The following CDH18 variants were observed in gnomAD, a reference collection of about 807,000 sequenced individuals.
CDH18 encodes cadherin 18.
A neutral mutation model predicts 67.9 loss-of-function variants in CDH18; 31 were observed. That is an observed-to-expected ratio of 0.46 (90% CI 0.34 to 0.62). The LOEUF (loss-of-function observed/expected upper bound fraction) is 0.62, where lower values mean the gene tolerates loss of function less well. Ranked by LOEUF, CDH18 falls within the 20% of genes least tolerant of loss-of-function variation. The pLI, the probability that CDH18 is intolerant of heterozygous loss-of-function variation, is 0.01. For synonymous variants in CDH18, 362 were observed against 347.2 expected (o/e 1.04, Z -0.48); for missense variants, 890 against 975.5 (o/e 0.91, Z 1.17).
intron 5 of CDH18, among the ~76,000 whole-genome samples, chr5:19,694,953 G>A (rs1028488095): frequency 1.3e-5 from 2 of 151,894 alleles, no homozygotes; most frequent in Non-Finnish European, 2.9e-5. Flanking sequence ...GATGAAAGCA[G>A]ACGTTTCCAT....
intron 2 of CDH18, among the ~76,000 whole-genome samples, chr5:20,038,046 C>T (rs558961629): frequency 1.3e-5 from 2 of 152,198 alleles, no homozygotes; most frequent in Admixed American, 1.3e-4. Context: ...GAAAAACAAA[C>T]TACCATCAGA....
intron 1 of CDH18, among the ~76,000 whole-genome samples, chr5:20,263,091 T>TA (rs144268374): frequency 0.04 from 6,073 of 150,180 alleles, 273 homozygotes; most frequent in African/African-American, 0.11. Context: ...TTCTCCTTGA[T>TA]AAAAAAAAAT....
chr5:20,012,321 C>G (rs1737510905), intron 2 of CDH18, among the ~76,000 whole-genome samples: 1 of 122,058 alleles, frequency 8.2e-6, no homozygotes, highest in Admixed American at 1.0e-4. Context: ...AATCTTCTCT[C>G]TTTTTTCTTT....
At chr5:19,811,609 AC>A (rs1228726470) in intron 3 of CDH18, among the ~76,000 whole-genome samples, 3 of 152,120 alleles carry the variant, frequency 2.0e-5, no homozygotes, top group African/African-American at 7.2e-5. Context: ...AAATACACAG[AC>A]CAAAAAATAT....
chr5:20,532,387 CT>C (rs1029418451), intron 1 of CDH18, among the ~76,000 whole-genome samples: 1 of 152,070 alleles, frequency 6.6e-6, no homozygotes, highest in Non-Finnish European at 1.5e-5. Context: ...CTGAGAGTCT[CT>C]TTTTTTCTCC....
At chr5:20,026,363 T>C (rs1280082445) in intron 2 of CDH18, among the ~76,000 whole-genome samples, 3 of 152,292 alleles carry the variant, frequency 2.0e-5, no homozygotes, top group Admixed American at 1.3e-4. Context: ...ATAGATAATA[T>C]ATTTCTCACG....
intron 3 of CDH18, among the ~76,000 whole-genome samples, chr5:19,820,944 A>G (rs1374010546): frequency 2.0e-5 from 3 of 152,174 alleles, no homozygotes; most frequent in African/African-American, 4.8e-5. Flanking sequence ...AAATAAAACC[A>G]AAAAGCTTCA....
intron 1 of CDH18, among the ~76,000 whole-genome samples, chr5:20,259,919 C>T (rs1164146163): frequency 6.6e-6 from 1 of 151,908 alleles, no homozygotes; most frequent in Non-Finnish European, 1.5e-5. Flanking sequence ...ATTGGCCTTT[C>T]CAAGTGGCAA....
intron 5 of CDH18, among the ~76,000 whole-genome samples, chr5:19,700,621 G>A (rs891369997): frequency 1.3e-5 from 2 of 152,132 alleles, no homozygotes; most frequent in Admixed American, 1.3e-4. Context: ...TCTTGCTTAG[G>A]ATGACTGCTT....
chr5:19,603,552 A>T (rs1259599913), intron 6 of CDH18, among the ~76,000 whole-genome samples: 1 of 152,036 alleles, frequency 6.6e-6, no homozygotes, highest in East Asian at 1.9e-4. Flanking sequence ...AAATAAAATC[A>T]AAATGAGAAC....
intron 8 of CDH18, among the ~76,000 whole-genome samples, chr5:19,564,283 C>A (rs1739978749): frequency 6.6e-6 from 1 of 152,224 alleles, no homozygotes; most frequent in Non-Finnish European, 1.5e-5. Flanking sequence ...CCTCCCCCAA[C>A]CGCAGGCAGT....
At chr5:19,749,621 G>T (rs543850442) in intron 3 of CDH18, among the ~76,000 whole-genome samples, 3 of 150,804 alleles carry the variant, frequency 2.0e-5, no homozygotes, top group Admixed American at 2.0e-4. Context: ...AGAAGAATAG[G>T]CTTAAGTGTA....
At chr5:20,058,272 C>T (rs1163475892) in intron 2 of CDH18, among the ~76,000 whole-genome samples, 1 of 152,086 alleles carries the variant, frequency 6.6e-6, no homozygotes, top group African/African-American at 2.4e-5. Flanking sequence ...AGTGTTCACA[C>T]AGTTACTATT....
chr5:20,146,939 T>C (rs1750695003), intron 2 of CDH18, among the ~76,000 whole-genome samples: 1 of 152,126 alleles, frequency 6.6e-6, no homozygotes, highest in Non-Finnish European at 1.5e-5. Flanking sequence ...CTTGACCTCT[T>C]TGAGGAAAAA....
chr5:20,329,768 CA>C (rs60246535), intron 1 of CDH18, among the ~76,000 whole-genome samples: 659 of 62,530 alleles, frequency 0.011, 5 homozygotes, highest in Admixed American at 0.013. Flanking sequence ...GAAACTCCAT[CA>C]AAAAAAAAAA....
chr5:19,672,463 G>T (rs1284531414), intron 5 of CDH18, among the ~76,000 whole-genome samples: 2 of 152,024 alleles, frequency 1.3e-5, no homozygotes, highest in Non-Finnish European at 2.9e-5. Flanking sequence ...ATGACTTTGT[G>T]ACTAAAAAGT....
chr5:20,320,946 A>G (rs926264181), intron 1 of CDH18, among the ~76,000 whole-genome samples: 16 of 152,048 alleles, frequency 1.1e-4, no homozygotes, highest in Non-Finnish European at 2.2e-4. Flanking sequence ...GGGGTGGTGC[A>G]TGGATAGCCA....
intron 2 of CDH18, among the ~76,000 whole-genome samples, chr5:20,209,368 G>T (rs4866171): frequency 0.7 from 105,724 of 151,894 alleles, 37,426 homozygotes; most frequent in African/African-American, 0.84. Context: ...TATCAATGGG[G>T]GAATGGATAA....
chr5:20,049,767 C>T (rs765146116), intron 2 of CDH18, among the ~76,000 whole-genome samples: 1 of 151,516 alleles, frequency 6.6e-6, no homozygotes, highest in South Asian at 2.1e-4. Context: ...GAAATGTTGT[C>T]AAAATTGACA....
Sources: allele counts gnomAD v4.1 joint callset (sites outside exome capture counted in the v4.1 genomes callset), GRCh38; gene constraint gnomAD v4.1.1; transcripts MANE v1.5; gene names NCBI Gene and HGNC (gene_info 2026-07-23, HGNC 2026-07-21).